The following CDH12 variants were observed in gnomAD, a reference collection of about 807,000 sequenced individuals.
CDH12 encodes the protein cadherin 12.
CDH12 carries 41 observed loss-of-function variants against 74.1 expected under a neutral mutation model. That is an observed-to-expected ratio of 0.55 (90% CI 0.43 to 0.72). The LOEUF is 0.72. CDH12 is among the 30% of genes least tolerant of loss of function. The pLI, the probability that CDH12 is intolerant of heterozygous loss-of-function variation, is 0.00. For synonymous variants in CDH12, 399 were observed against 355.0 expected (o/e 1.12, Z -1.39); for missense variants, 945 against 977.2 (o/e 0.97, Z 0.44).
intron 3 of CDH12, among the ~76,000 whole-genome samples, chr5:22,275,783 G>A (rs1736607488): frequency 1.3e-5 from 2 of 152,048 alleles, no homozygotes; most frequent in Non-Finnish European, 2.9e-5. Flanking sequence ...CAGATTCCTG[G>A]GGCAGTAGAT....
At chr5:21,926,463 A>C (rs576660164) in intron 6 of CDH12, among the ~76,000 whole-genome samples, 33 of 152,226 alleles carry the variant, frequency 2.2e-4, no homozygotes, top group Non-Finnish European at 3.4e-4. Flanking sequence ...ATATCTATCT[A>C]TCTCTACCTC....
In CDH12 at chr5:22,477,953, C is replaced by T. The variant is rs563848103; in HGVS notation, c.-428+27317G>A. On this transcript the variant is annotated intron_variant, in intron 2 of 14. Transcript: ENST00000382254. ...AACCTTTCCATTATCAGTTGTGTCT[C>T]GTGGCATTTTCTAAATAAGATCAGG... 8.5e-5 allele frequency among the ~76,000 whole-genome samples: 13 copies of T among 152,146 alleles called. No individual in the cohort carries two copies. In the South Asian group the frequency reaches 2.1e-3, roughly 24 times the overall value.
chr5:22,544,723 A>G (rs1390224762), intron 1 of CDH12, among the ~76,000 whole-genome samples: 2 of 152,120 alleles, frequency 1.3e-5, no homozygotes, highest in East Asian at 3.9e-4. Context: ...AGGCTGAAGA[A>G]CAAGCACTAC....
At chr5:22,038,424 C>G (rs942714920) in intron 5 of CDH12, among the ~76,000 whole-genome samples, 8 of 152,136 alleles carry the variant, frequency 5.3e-5, no homozygotes, top group Non-Finnish European at 1.0e-4. Flanking sequence ...GCTGTATCTG[C>G]CCCTCCCAGC....
intron 2 of CDH12, among the ~76,000 whole-genome samples, chr5:22,455,633 T>C (rs980040025): frequency 6.6e-6 from 1 of 152,114 alleles, no homozygotes; most frequent in Non-Finnish European, 1.5e-5. Context: ...AGCAGAAGTT[T>C]GAGACAGAGA....
chr5:21,755,957 A>G, intron 13 of CDH12, 115 bp from the exon 14 acceptor site: 2 of 948,996 alleles, frequency 2.1e-6, no homozygotes, highest in Non-Finnish European at 3.2e-6. Flanking sequence ...ATGGATTCTT[A>G]TTTTTTTTAT....
chr5:22,152,299 A>AT (rs1443356363), intron 4 of CDH12: 2 of 152,182 alleles, frequency 1.3e-5, no homozygotes, highest in African/African-American at 4.8e-5. Context: ...TTTATTAATT[A>AT]TGTTGTGGCA....
intron 1 of CDH12, among the ~76,000 whole-genome samples, chr5:22,542,514 T>C (rs925254036): frequency 1.8e-4 from 28 of 152,182 alleles, no homozygotes; most frequent in African/African-American, 6.8e-4. Context: ...GAATTAATGA[T>C]CAGTTTGTAT....
intron 1 of CDH12, among the ~76,000 whole-genome samples, chr5:22,828,935 A>C (rs938122493): frequency 6.6e-6 from 1 of 152,172 alleles, no homozygotes; most frequent in African/African-American, 2.4e-5. Context: ...CTAATGGAAA[A>C]GTTATTATTT....
intron 9 of CDH12, among the ~76,000 whole-genome samples, chr5:21,807,125 A>T (rs764297879): frequency 1.8e-4 from 28 of 152,082 alleles, no homozygotes; most frequent in Non-Finnish European, 3.7e-4. Context: ...GTCTTTTGAG[A>T]TGTTTTTCAC....
chr5:21,911,080 T>C (rs1344817646), intron 6 of CDH12, among the ~76,000 whole-genome samples: 2 of 152,198 alleles, frequency 1.3e-5, no homozygotes, highest in Admixed American at 6.5e-5. Context: ...AAATAACATA[T>C]GGTCTGTCTT....
intron 1 of CDH12, among the ~76,000 whole-genome samples, chr5:22,518,427 T>C (rs1021528692): frequency 6.6e-6 from 1 of 152,202 alleles, no homozygotes; most frequent in East Asian, 1.9e-4. Flanking sequence ...CACTCATCCA[T>C]TGTGGTTTCC....
At chr5:21,884,645 T>G (rs540548853) in intron 6 of CDH12, among the ~76,000 whole-genome samples, 3 of 152,210 alleles carry the variant, frequency 2.0e-5, no homozygotes, top group Non-Finnish European at 4.4e-5. Context: ...ATCAGGATTT[T>G]AGTACTTGCC....
chr5:21,801,564 G>A (rs1433750015), intron 10 of CDH12, among the ~76,000 whole-genome samples: 1 of 152,162 alleles, frequency 6.6e-6, no homozygotes, highest in East Asian at 1.9e-4. Flanking sequence ...GAGTGACAGT[G>A]GGAGAGAGAT....
intron 1 of CDH12, among the ~76,000 whole-genome samples, chr5:22,629,237 C>T (rs180927418): frequency 2.4e-4 from 36 of 152,090 alleles, no homozygotes; most frequent in Middle Eastern, 3.4e-3. Flanking sequence ...ATCTCCTACC[C>T]TAACTCATTC....
At chr5:22,429,782 C>T (rs539302519) in intron 2 of CDH12, among the ~76,000 whole-genome samples, 1 of 152,302 alleles carries the variant, frequency 6.6e-6, no homozygotes, top group East Asian at 1.9e-4. Context: ...ACAACATCTA[C>T]ACAAAGCTCT....
At chr5:21,960,940 G>C (rs1382944473) in intron 6 of CDH12, among the ~76,000 whole-genome samples, 3 of 152,040 alleles carry the variant, frequency 2.0e-5, no homozygotes, top group Non-Finnish European at 4.4e-5. Flanking sequence ...AAATTATTGA[G>C]ACTTATTTAA....
At chr5:22,654,723 C>A (rs562489451) in intron 1 of CDH12, among the ~76,000 whole-genome samples, 17 of 151,966 alleles carry the variant, frequency 1.1e-4, no homozygotes, top group African/African-American at 2.9e-4. Flanking sequence ...GCAACCCCTG[C>A]GTCCGGGTTC....
chr5:22,040,358 T>C (rs1739490271), intron 5 of CDH12, among the ~76,000 whole-genome samples: 1 of 152,116 alleles, frequency 6.6e-6, no homozygotes, highest in African/African-American at 2.4e-5. Flanking sequence ...TTTTGAGAAG[T>C]TGAAGAGGCC....
Sources: allele counts gnomAD v4.1 joint callset (sites outside exome capture counted in the v4.1 genomes callset), GRCh38; gene constraint gnomAD v4.1.1; transcripts MANE v1.5; gene names NCBI Gene and HGNC (gene_info 2026-07-23, HGNC 2026-07-21).